The following ZFHX3 variants were observed in gnomAD, a reference collection of about 807,000 sequenced individuals.
The protein encoded by ZFHX3 is zinc finger homeobox 3, also known as zinc finger homeobox protein 3.
ZFHX3 carries 42 observed loss-of-function variants against 279.1 expected under a neutral mutation model. That is an observed-to-expected ratio of 0.15 (90% CI 0.12 to 0.19). ZFHX3 has a LOEUF of 0.19. Ranked by LOEUF, ZFHX3 falls within the 10% of genes least tolerant of loss-of-function variation. The pLI, the probability that ZFHX3 is intolerant of heterozygous loss-of-function variation, is 1.00. For synonymous variants in ZFHX3, 2,293 were observed against 1,957.8 expected, an observed-to-expected ratio of 1.17 and a Z score of -4.52; for missense variants, 4,981 against 4,754.0, an observed-to-expected ratio of 1.05 and a Z score of -1.40.
chr16:73,438,450 G>C (rs983973303), intron 3 of ZFHX3, among the ~76,000 whole-genome samples: 1 of 152,132 alleles, frequency 6.6e-6, no homozygotes, highest in Non-Finnish European at 1.5e-5. Flanking sequence ...CAGAAAGAGA[G>C]AGCATGTGAA....
At chr16:73,356,754 G>A (rs1452932385) in intron 3 of ZFHX3, among the ~76,000 whole-genome samples, 1 of 151,808 alleles carries the variant, frequency 6.6e-6, no homozygotes, top group Non-Finnish European at 1.5e-5. Flanking sequence ...ATTAGATTTT[G>A]TTCGGTTTCA....
chr16:73,807,131 G>A (rs775616250), intron 1 of ZFHX3, among the ~76,000 whole-genome samples: 114 of 152,298 alleles, frequency 7.5e-4, no homozygotes, highest in African/African-American at 2.2e-3. Flanking sequence ...TGGAGCACCC[G>A]AGAAGAGGCA....
At chr16:73,429,692 G>A (rs74573699) in intron 3 of ZFHX3, among the ~76,000 whole-genome samples, 3,746 of 152,162 alleles carry the variant, frequency 0.025, 165 homozygotes, top group African/African-American at 0.083. Context: ...GATTTTAAAC[G>A]TTGAGAACTA....
chr16:73,467,684 T>C (rs2018596500), intron 2 of ZFHX3, among the ~76,000 whole-genome samples: 1 of 152,220 alleles, frequency 6.6e-6, no homozygotes, highest in South Asian at 2.1e-4. Context: ...AACTTCTCTA[T>C]ATGTATGAAA....
chr16:73,163,940 T>C (rs1023985006), intron 5 of ZFHX3, among the ~76,000 whole-genome samples: 1 of 152,138 alleles, frequency 6.6e-6, no homozygotes, highest in Non-Finnish European at 1.5e-5. Context: ...GCCATAGTCT[T>C]GTGAGGTAGG....
At chr16:73,210,244 A>T (rs1221334505) in intron 5 of ZFHX3, among the ~76,000 whole-genome samples, 1 of 152,206 alleles carries the variant, frequency 6.6e-6, no homozygotes, top group Non-Finnish European at 1.5e-5. Flanking sequence ...AATGGTAAAT[A>T]ACTGCTGGAT....
chr16:73,683,255 C>G (rs2053045809), intron 1 of ZFHX3, among the ~76,000 whole-genome samples: 1 of 152,168 alleles, frequency 6.6e-6, no homozygotes, highest in Non-Finnish European at 1.5e-5. Context: ...AAAGCCCGTT[C>G]ACTTCCCTCT....
At chr16:73,267,489 T>C (rs1429863435) in intron 4 of ZFHX3, among the ~76,000 whole-genome samples, 1 of 152,166 alleles carries the variant, frequency 6.6e-6, no homozygotes, top group South Asian at 2.1e-4. Flanking sequence ...TTATACAGCA[T>C]CCCAGTCTTA....
chr16:73,088,353 G>A (rs995414854), intron 8 of ZFHX3, among the ~76,000 whole-genome samples: 3 of 151,540 alleles, frequency 2.0e-5, no homozygotes, highest in African/African-American at 7.3e-5. Context: ...GGGTTTCACC[G>A]TGTTACCCCA....
At chr16:73,305,738 G>A (rs879909893) in intron 4 of ZFHX3, among the ~76,000 whole-genome samples, 1 of 151,902 alleles carries the variant, frequency 6.6e-6, no homozygotes, top group African/African-American at 2.4e-5. Flanking sequence ...TATCCATTAC[G>A]GTGGGCGAGG....
intron 5 of ZFHX3, among the ~76,000 whole-genome samples, chr16:73,152,994 A>ATT (rs1966983706): frequency 6.6e-6 from 1 of 152,014 alleles, no homozygotes; most frequent in Non-Finnish European, 1.5e-5. Flanking sequence ...GGTGTCTGGA[A>ATT]TTTTTGGATG....
intron 3 of ZFHX3, among the ~76,000 whole-genome samples, chr16:72,891,576 C>G (rs552969095): frequency 1.3e-5 from 2 of 152,112 alleles, no homozygotes; most frequent in Non-Finnish European, 2.9e-5. Flanking sequence ...CCACTGGGTA[C>G]ACATGAAGCA....
chr16:73,369,721 G>T (rs1207436378), intron 3 of ZFHX3, among the ~76,000 whole-genome samples: 3 of 152,192 alleles, frequency 2.0e-5, no homozygotes, highest in African/African-American at 7.2e-5. Context: ...GATCAGGAGG[G>T]CAGGGCTGTG....
At chr16:73,856,416 C>A (rs1036021823) in intron 1 of ZFHX3, among the ~76,000 whole-genome samples, 1 of 152,128 alleles carries the variant, frequency 6.6e-6, no homozygotes, top group African/African-American at 2.4e-5. Context: ...AACATCTACT[C>A]CCCCCAACCC....
At chr16:73,333,025 C>G (rs2015835855) in intron 3 of ZFHX3, among the ~76,000 whole-genome samples, 1 of 152,070 alleles carries the variant, frequency 6.6e-6, no homozygotes, top group South Asian at 2.1e-4. Flanking sequence ...CCTTCCATCT[C>G]TCTGTCTTCC....
intron 4 of ZFHX3, among the ~76,000 whole-genome samples, chr16:72,837,580 G>A (rs997401226): frequency 6.7e-6 from 1 of 149,222 alleles, no homozygotes; most frequent in African/African-American, 2.5e-5. Context: ...CTGGGCTCAA[G>A]CGATCCTCCT....
At chr16:73,835,429 G>A (rs1158973712) in intron 1 of ZFHX3, among the ~76,000 whole-genome samples, 1 of 108,504 alleles carries the variant, frequency 9.2e-6, no homozygotes, top group South Asian at 3.4e-4. Flanking sequence ...CTCTTCTTTC[G>A]CCAACTTTCC....
rs550353385 is a variant in ZFHX3, at chr16:72,866,747, CA to C, written c.3448+22983del. Among the ~76,000 whole-genome samples, 26 of 152,122 alleles carry C rather than the reference CA, an allele frequency of 1.7e-4. No homozygotes were observed. The South Asian group carries it at 5.4e-3, about 32-fold the overall frequency. ...CATTTACAAGCCCCTTTCACTATCC[CA>C]GAGGTTCTTCAAAGCCATGGCACCT... On this transcript the variant is annotated intron_variant, in intron 4 of 9. Transcript: ENST00000268489.
chr16:73,862,658 T>A (rs1961913813), intron 1 of ZFHX3, among the ~76,000 whole-genome samples: 1 of 152,016 alleles, frequency 6.6e-6, no homozygotes, highest in African/African-American at 2.4e-5. Context: ...TGCCTGTTTG[T>A]CTCAGCTATT....
Sources: gnomAD v4.1 joint callset for allele counts (sites outside exome capture counted in the v4.1 genomes callset) on GRCh38, gnomAD v4.1.1 for gene constraint, MANE v1.5 for transcripts, NCBI Gene and HGNC (gene_info 2026-07-23, HGNC 2026-07-21) for gene names.